The following INSIG1 variants were observed in gnomAD, a reference collection of about 807,000 sequenced individuals.
INSIG1 encodes the protein insulin induced gene 1.
Under a neutral mutation model 26.5 loss-of-function variants are expected in INSIG1, and 14 were observed. That is an observed-to-expected ratio of 0.53 (90% CI 0.35 to 0.83). INSIG1 has a LOEUF of 0.83. Among genes scored for constraint, INSIG1 ranks in the 40% least tolerant of loss-of-function variants. The pLI is 0.01. For missense variants in INSIG1, 272 were observed against 368.9 expected, an observed-to-expected ratio of 0.74 and a Z score of 2.15; for synonymous variants, 147 against 153.3, an observed-to-expected ratio of 0.96 and a Z score of 0.30.
rs137964038 is a variant in INSIG1 at position 155,309,132 on chromosome 7, A to T, written c.*862A>T. The T allele has an allele frequency of 5.9e-5, 9 of 152,582 alleles. No homozygotes were observed. Among genetic ancestry groups the T allele is most frequent in the African/African-American group, 1.4e-4 (6 of 41,580 alleles). The allele number at this position is 152,582 out of a possible 1,614,324, so 9.5% of individuals were successfully genotyped here. A position where few individuals can be genotyped will look rare whatever the true frequency, so the allele number is the denominator to read the frequency against. On this transcript the variant is annotated 3_prime_UTR_variant, in exon 6 of 6. Coordinates refer to ENST00000340368, the MANE Select transcript of INSIG1 (RefSeq NM_005542.6). The stretch of plus-strand genomic sequence containing the variant: ...GATGACTGTTTTTTGCCACAGCCCT[A>T]TGGAATTTGCAATCTGTGATTGCCT...
chr7:155,300,797 T>C (rs558056627), intron 2 of INSIG1, among the ~76,000 whole-genome samples: 1 of 152,336 alleles, frequency 6.6e-6, no homozygotes, highest in East Asian at 1.9e-4. Flanking sequence ...AAAACAAACA[T>C]GCAGAGCCAC....
Position 155,298,558 on chromosome 7 carries a change from C to T in INSIG1, c.273C>T (p.Leu91=). The change falls in exon 2 of 6, where the codon CTC becomes CTT. Residue 91 remains leucine, a synonymous_variant. Coordinates refer to ENST00000340368, the MANE Select transcript of INSIG1 (RefSeq NM_005542.6). ...GCCTGTTGCAGAGGAGCCTCGTGCT[C>T]TTCTCGGTTGGGGTGGTCCTAGCCC... ...HHRLLQRSLV[L]FSVGVVLALV... is the part of the protein sequence containing the mutation. The T allele has an allele frequency of 1.2e-6, 2 of 1,609,930 alleles. No individual in the cohort carries two copies. Among genetic ancestry groups the T allele is most frequent in the African/African-American group, 1.3e-5 (1 of 75,032 alleles).
In INSIG1 at chr7:155,302,103, C is replaced by T. The variant is rs775080671; in HGVS notation, c.538-148C>T. 4 of 541,290 alleles carry T rather than the reference C, an allele frequency of 7.4e-6. No homozygotes were observed. Among genetic ancestry groups the T allele is most frequent in the African/African-American group, 2.0e-5 (1 of 50,650 alleles). The allele number at this position is 541,290 out of a possible 1,614,324, so 33.5% of individuals were successfully genotyped here. A position where few individuals can be genotyped will look rare whatever the true frequency, so the allele number is the denominator to read the frequency against. ...TTACTGTAACCTGTATCCAACAAAT[C>T]CTTTCTTTAGCTTATTACACAGTTT... is the stretch of plus-strand genomic sequence containing the variant. On this transcript the variant is annotated intron_variant, in intron 3 of 5. Coordinates refer to ENST00000340368, the MANE Select transcript of INSIG1 (RefSeq NM_005542.6). This position sits in a 1 kb window ranked among gnomAD's most constrained non-coding sequence, Gnocchi z 4.3.
In INSIG1 at chr7:155,301,642, T is replaced by C. The variant is rs1797787436; in HGVS notation, c.489T>C (p.Ser163=). The C allele has an allele frequency of 6.2e-7, 1 of 1,607,254 alleles. No individual in the cohort carries two copies. Among genetic ancestry groups the C allele is most frequent in the African/African-American group, 1.3e-5 (1 of 74,874 alleles). ...EPHKFKREWA[S]VMRCIAVFVG... ...ACAAATTTAAGAGAGAATGGGCCAG[T>C]GTCATGCGCTGCATAGCAGTTTTTG... Residue 163 remains serine, a synonymous_variant, in exon 3 of 6, where the codon AGT becomes AGC. Transcript: ENST00000340368.
intron 5 of INSIG1, among the ~76,000 whole-genome samples, chr7:155,307,064 AC>A (rs1563033709): frequency 6.6e-6 from 1 of 152,172 alleles, no homozygotes; most frequent in Non-Finnish European, 1.5e-5. Context: ...AAATGTGATG[AC>A]CAGTTTTCTT....
chr7:155,301,766 CT>C, intron 3 of INSIG1, 76 bp downstream of exon 3: 1 of 1,311,448 alleles, frequency 7.6e-7, no homozygotes, highest in South Asian at 2.2e-5. Flanking sequence ...TTGTTATATA[CT>C]CAAATGACTC....
Position 155,298,186 on chromosome 7 carries a change from G to A in INSIG1, c.-27-73G>A, listed in dbSNP as rs559051489. ...GGCGCTGCCGCCTGGCCCGGGTGCCGGGGTTCGCGTCCCGCGGGGCCTTCC... is the reference window on the plus strand; with the variant it reads ...GGCGCTGCCGCCTGGCCCGGGTGCCAGGGTTCGCGTCCCGCGGGGCCTTCC... On this transcript the variant is annotated intron_variant, in intron 1 of 5. Coordinates refer to ENST00000340368, the MANE Select transcript of INSIG1 (RefSeq NM_005542.6). The A allele has an allele frequency of 5.6e-6, 7 of 1,260,884 alleles. No individual in the cohort carries two copies. In the African/African-American group the frequency reaches 9.5e-5, roughly 17 times the overall value. 78.1% of individuals were successfully genotyped at this position (1,260,884 alleles called of 1,614,324 possible). A position where few individuals can be genotyped will look rare whatever the true frequency, so the allele number is the denominator to read the frequency against.
In INSIG1 at chr7:155,297,935, C is replaced by T. The variant is rs1797660821; in HGVS notation, c.-52C>T. The T allele has an allele frequency of 5.4e-6, 1 of 184,606 alleles. No homozygotes were observed. The highest frequency in any genetic ancestry group is 1.3e-4 in the East Asian group (1 of 7,828). 11.4% of individuals were successfully genotyped at this position (184,606 alleles called of 1,614,324 possible). A position where few individuals can be genotyped will look rare whatever the true frequency, so the allele number is the denominator to read the frequency against. ...CCCGCCCCGCCTCCGTTCGGAGAGC[C>T]GGCGGGCGGGCGCCTCTCGGCCAGG... On this transcript the variant is annotated 5_prime_UTR_variant, in exon 1 of 6. Coordinates refer to ENST00000340368, the MANE Select transcript of INSIG1 (RefSeq NM_005542.6).
At chr7:155,299,649 C>T (rs1481501192) in intron 2 of INSIG1, among the ~76,000 whole-genome samples, 1 of 152,208 alleles carries the variant, frequency 6.6e-6, no homozygotes, top group African/African-American at 2.4e-5. Context: ...GACTCCAGTG[C>T]AGTGCAGGGA....
Position 155,297,958 on chromosome 7 carries a change from A to C in INSIG1, c.-29A>C. The C allele has an allele frequency of 1.9e-5, 4 of 206,462 alleles. No homozygotes were observed. The highest frequency in any genetic ancestry group is 2.0e-4 in the East Asian group (2 of 9,842). The allele number at this position is 206,462 out of a possible 1,614,324, so 12.8% of individuals were successfully genotyped here. A position where few individuals can be genotyped will look rare whatever the true frequency, so the allele number is the denominator to read the frequency against. The stretch of plus-strand genomic sequence containing the variant: ...GCCGGCGGGCGGGCGCCTCTCGGCC[A>C]GGTACGCGGCCGGCTGGGATAGGGG... On this transcript the variant is annotated splice_region_variant and 5_prime_UTR_variant, in exon 1 of 6. Transcript: ENST00000340368.
Position 155,299,539 on chromosome 7 carries a change from C to T in INSIG1, c.412+842C>T, listed in dbSNP as rs141417291. Among the ~76,000 whole-genome samples the T allele has an allele frequency of 5.5e-4, 84 of 152,316 alleles. No homozygotes were observed. The East Asian group carries it at 0.012, about 22-fold the overall frequency. On this transcript the variant is annotated intron_variant, in intron 2 of 5. Transcript: ENST00000340368. ...TGTCGGGTGCTTTCTGCAACCTCAA[C>T]TCTATAAGCTGTTGAAATGTTAATC...
rs1256284491 is a variant in INSIG1, at chr7:155,302,723, G to T, written c.705-24G>T. The T allele has an allele frequency of 6.7e-7, 1 of 1,482,836 alleles. No individual in the cohort carries two copies. The highest frequency in any genetic ancestry group is 9.4e-7 in the Non-Finnish European group (1 of 1,060,818). 91.9% of individuals were successfully genotyped at this position (1,482,836 alleles called of 1,614,324 possible). On this transcript the variant is annotated intron_variant, in intron 4 of 5. Transcript: ENST00000340368. The surrounding 1 kb of genome is among the most constrained non-coding windows in gnomAD (Gnocchi z 4.3). ...GAGCCAGGTGAAATTGACTGCTAAG[G>T]TACAGTTTCTTTTCTCGCTCCAGGT...
At chr7:155,306,755 C>T (rs1162071879) in intron 5 of INSIG1, among the ~76,000 whole-genome samples, 5 of 152,316 alleles carry the variant, frequency 3.3e-5, no homozygotes, top group Middle Eastern at 3.4e-3. Context: ...TGGCAGAGGT[C>T]GACGTGGCAC....
In INSIG1 at chr7:155,301,598, A is replaced by G. The variant is rs1187004218; in HGVS notation, c.445A>G (p.Ser149Gly). The change falls in exon 3 of 6, where the codon AGT becomes GGT. Residue 149 changes from serine to glycine, a missense_variant. Ser to Gly is a moderately conservative substitution (Grantham distance 56, BLOSUM62 0). Transcript: ENST00000340368. ...TGGCCTACTGTACCCCTGTATCGACAGTCACCTCGGAGAACCCCACAAATT... is the reference window on the plus strand; with the variant it reads ...TGGCCTACTGTACCCCTGTATCGACGGTCACCTCGGAGAACCCCACAAATT... ...VVGLLYPCID[S>G]HLGEPHKFKR... The G allele has an allele frequency of 6.2e-7, 1 of 1,611,340 alleles. No individual in the cohort carries two copies. Among genetic ancestry groups the G allele is most frequent in the Non-Finnish European group, 8.5e-7 (1 of 1,177,942 alleles).
At chr7:155,304,076 G>A (rs530347291) in intron 5 of INSIG1, among the ~76,000 whole-genome samples, 3 of 143,732 alleles carry the variant, frequency 2.1e-5, no homozygotes, top group East Asian at 4.2e-4. Flanking sequence ...CAATCCTCCC[G>A]CTTCAGCGTC....
At position 155,298,593 on chromosome 7, in the gene INSIG1, A is replaced by G; in HGVS notation, c.308A>G (p.Asn103Ser). 1 of 1,613,096 alleles carries G rather than the reference A, an allele frequency of 6.2e-7. No homozygotes were observed. Among genetic ancestry groups the G allele is most frequent in the Non-Finnish European group, 8.5e-7 (1 of 1,179,764 alleles). Residue 103 changes from asparagine (N) to serine (S), a missense_variant, in exon 2 of 6, where the codon AAC becomes AGC. Asn to Ser is a conservative substitution (Grantham distance 46). Transcript: ENST00000340368. ...GGGGTGGTCCTAGCCCTGGTGCTCAACCTGCTGCAGATCCAGAGGAATGTC... is the reference window on the plus strand; with the variant it reads ...GGGGTGGTCCTAGCCCTGGTGCTCAGCCTGCTGCAGATCCAGAGGAATGTC... ...SVGVVLALVL[N>S]LLQIQRNVTL... is the part of the protein sequence containing the mutation.
rs1798033668 is a variant in INSIG1 at position 155,309,731 on chromosome 7, T to C, written c.*1461T>C. 6.6e-6 allele frequency: 1 copy of C among 152,216 alleles called. No individual in the cohort carries two copies. Among genetic ancestry groups the C allele is most frequent in the Non-Finnish European group, 1.5e-5 (1 of 68,036 alleles). The allele number at this position is 152,216 out of a possible 1,614,324, so 9.4% of individuals were successfully genotyped here. On this transcript the variant is annotated 3_prime_UTR_variant, in exon 6 of 6. Transcript: ENST00000340368. ...GTTTTTTGCTTTGTTTTGAGGGAAA[T>C]GTCTTGGAGTAAATTTTAAGTTCCT... is the stretch of plus-strand genomic sequence containing the variant.
At chr7:155,305,997 T>C (rs2150901413) in intron 5 of INSIG1, among the ~76,000 whole-genome samples, 1 of 152,292 alleles carries the variant, frequency 6.6e-6, no homozygotes, top group South Asian at 2.1e-4. Context: ...TTTTGTTTGT[T>C]TTTATTTTTA....
Position 155,298,503 on chromosome 7 carries a change from G to A in INSIG1, c.218G>A (p.Gly73Asp). 1 of 1,579,146 alleles carries A rather than the reference G, an allele frequency of 6.3e-7. No individual in the cohort carries two copies. Among genetic ancestry groups the A allele is most frequent in the African/African-American group, 1.3e-5 (1 of 74,366 alleles). ...GCTGCGATGAGCGGCCCCGAGCCCG[G>A]CAGCCCCTACCCCAACACCTGGCAT... Reference protein sequence around the residue: ...RSAAMSGPEPGSPYPNTWHHR... With the variant: ...RSAAMSGPEPDSPYPNTWHHR... The change falls in exon 2 of 6, where the codon GGC becomes GAC. Residue 73 changes from glycine to aspartate, a missense_variant. Coordinates refer to ENST00000340368, the MANE Select transcript of INSIG1 (RefSeq NM_005542.6).
Sources: gnomAD v4.1 joint callset for allele counts (sites outside exome capture counted in the v4.1 genomes callset) on GRCh38, gnomAD v4.1.1 for gene constraint, Gnocchi (gnomAD v3.1) non-coding constraint, MANE v1.5 for transcripts, NCBI Gene and HGNC (gene_info 2026-07-23, HGNC 2026-07-21) for gene names.